The following CADPS2 variants were observed in gnomAD, a reference collection of about 807,000 sequenced individuals.
CADPS2 encodes the protein calcium dependent secretion activator 2, also known as calcium-dependent secretion activator 2.
A neutral mutation model predicts 172.5 loss-of-function variants in CADPS2; 93 were observed. The ratio of observed to expected loss-of-function variants is 0.54; its 90% CI spans 0.46 to 0.64. CADPS2 has a LOEUF of 0.64. Among genes scored for constraint, CADPS2 ranks in the 30% least tolerant of loss-of-function variants. The pLI is 0.00. For synonymous variants in CADPS2, 546 were observed against 555.2 expected (o/e 0.98, Z 0.23); for missense variants, 1,420 against 1,565.9 (o/e 0.91, Z 1.57).
intron 1 of CADPS2, among the ~76,000 whole-genome samples, chr7:122,881,573 A>G (rs560937075): frequency 6.6e-6 from 1 of 152,324 alleles, no homozygotes; most frequent in East Asian, 1.9e-4. Context: ...TACTTGGACC[A>G]TAATGCATCA....
At chr7:122,743,080 C>T (rs1037441348) in intron 1 of CADPS2, among the ~76,000 whole-genome samples, 6 of 152,062 alleles carry the variant, frequency 3.9e-5, no homozygotes, top group Non-Finnish European at 7.4e-5. Context: ...ATTTGACCAG[C>T]AGAAATTATC....
intron 1 of CADPS2, among the ~76,000 whole-genome samples, chr7:122,767,480 T>C (rs1303110749): frequency 6.6e-6 from 1 of 152,078 alleles, no homozygotes; most frequent in Non-Finnish European, 1.5e-5. Context: ...ATAGTGTTTT[T>C]CAGGAATGTT....
chr7:122,539,675 G>GA (rs1280573698), intron 8 of CADPS2, among the ~76,000 whole-genome samples: 2 of 151,776 alleles, frequency 1.3e-5, no homozygotes, highest in Admixed American at 6.6e-5. Context: ...GTCATAAAGG[G>GA]AAAAAAATGA....
At chr7:122,629,153 C>CTTT in intron 4 of CADPS2, 95 bp downstream of exon 4, 1 of 788,480 alleles carries the variant, frequency 1.3e-6, no homozygotes. Context: ...TATGCTGGCT[C>CTTT]TTTTTTTTTT....
chr7:122,432,246 T>G (rs565972766), intron 17 of CADPS2, among the ~76,000 whole-genome samples: 1 of 152,276 alleles, frequency 6.6e-6, no homozygotes, highest in East Asian at 1.9e-4. Context: ...CAGGACCTTG[T>G]GCAAGTTAAC....
At chr7:122,545,650 G>A (rs992446238) in intron 8 of CADPS2, among the ~76,000 whole-genome samples, 1 of 152,110 alleles carries the variant, frequency 6.6e-6, no homozygotes, top group African/African-American at 2.4e-5. Flanking sequence ...TTGTTAGGAT[G>A]GAGACTGAAT....
intron 3 of CADPS2, among the ~76,000 whole-genome samples, chr7:122,641,419 T>C (rs949912018): frequency 1.3e-5 from 2 of 152,194 alleles, no homozygotes; most frequent in African/African-American, 4.8e-5. Flanking sequence ...AATTGGACCT[T>C]TGGAAGTCTG....
intron 27 of CADPS2, among the ~76,000 whole-genome samples, chr7:122,350,210 TATAAGACAATAAATAACATGTCTTCGAA>T (rs907752724): frequency 6.6e-6 from 1 of 152,148 alleles, no homozygotes; most frequent in Non-Finnish European, 1.5e-5. Flanking sequence ...TCATGTAAGA[TATAAGACAATAAATAACATGTCTTCGAA>T]ATTTGAAATT....
At chr7:122,834,029 A>G (rs1240302744) in intron 1 of CADPS2, among the ~76,000 whole-genome samples, 1 of 152,214 alleles carries the variant, frequency 6.6e-6, no homozygotes, top group East Asian at 1.9e-4. Flanking sequence ...GTGGAAAAAA[A>G]GACGGACATA....
chr7:122,665,053 G>A (rs2081047157), intron 2 of CADPS2, among the ~76,000 whole-genome samples: 1 of 151,264 alleles, frequency 6.6e-6, no homozygotes, highest in Admixed American at 6.6e-5. Flanking sequence ...TCCTGCCTTG[G>A]ACTCCCAAAG....
At chr7:122,852,260 C>T (rs1813860188) in intron 1 of CADPS2, among the ~76,000 whole-genome samples, 1 of 152,148 alleles carries the variant, frequency 6.6e-6, no homozygotes, top group African/African-American at 2.4e-5. Flanking sequence ...GATCTAGGAA[C>T]TCATTCAATG....
rs767367157 is a variant in CADPS2, at chr7:122,849,806, T to A, written c.339+36193A>T. 9.8e-4 allele frequency: 518 copies of A among 527,920 alleles called. 3 individuals carry two copies. Among genetic ancestry groups the A allele is most frequent in the Non-Finnish European group, 5.7e-4 (151 of 265,326 alleles). The allele number at this position is 527,920 out of a possible 1,614,324, so 32.7% of individuals were successfully genotyped here. A position where few individuals can be genotyped will look rare whatever the true frequency, so the allele number is the denominator to read the frequency against. ...CCCCCAGCCCTCTCCCTTTACATCATCCCTCAGCACCATCAACTATGATGA... is the reference window on the plus strand; with the variant it reads ...CCCCCAGCCCTCTCCCTTTACATCAACCCTCAGCACCATCAACTATGATGA... On this transcript the variant is annotated intron_variant, in intron 1 of 29. Transcript: ENST00000449022.
At position 122,353,098 on chromosome 7, in the gene CADPS2, G is replaced by A. The variant is rs552397277; in HGVS notation, c.3505-7417C>T. ...GAGGCAGCACAGGGATTATAGGTTG[G>A]TGCAGAAGTGATTGTGTTTTTTGCC... On this transcript the variant is annotated intron_variant, in intron 27 of 29. Coordinates refer to ENST00000449022, the MANE Select transcript of CADPS2 (RefSeq NM_017954.11). Among the ~76,000 whole-genome samples the A allele has an allele frequency of 2.6e-5, 4 of 152,226 alleles. No individual in the cohort carries two copies. In the East Asian group the frequency reaches 7.8e-4, roughly 30 times the overall value.
At chr7:122,761,330 T>G (rs140999012) in intron 1 of CADPS2, among the ~76,000 whole-genome samples, 1 of 152,326 alleles carries the variant, frequency 6.6e-6, no homozygotes, top group Non-Finnish European at 1.5e-5. Flanking sequence ...TACTCATCTC[T>G]GAGGAATCAA....
At chr7:122,620,654 G>A (rs1272321715) in intron 5 of CADPS2, among the ~76,000 whole-genome samples, 1 of 152,068 alleles carries the variant, frequency 6.6e-6, no homozygotes, top group African/African-American at 2.4e-5. Context: ...AATATGTACA[G>A]TGCCTGTAAT....
At chr7:122,368,772 A>T (rs1347430530) in intron 25 of CADPS2, among the ~76,000 whole-genome samples, 1 of 152,136 alleles carries the variant, frequency 6.6e-6, no homozygotes, top group Non-Finnish European at 1.5e-5. Flanking sequence ...GTGCGCCATG[A>T]GTTTCTAGAG....
intron 1 of CADPS2, among the ~76,000 whole-genome samples, chr7:122,873,100 G>C (rs1001927259): frequency 6.6e-6 from 1 of 152,088 alleles, no homozygotes; most frequent in Non-Finnish European, 1.5e-5. Context: ...TTTGGAGAAA[G>C]TAAAACCCAC....
At chr7:122,685,864 A>G (rs2083555378) in intron 2 of CADPS2, among the ~76,000 whole-genome samples, 1 of 152,236 alleles carries the variant, frequency 6.6e-6, no homozygotes, top group Admixed American at 6.5e-5. Context: ...CAGTTAGAGA[A>G]GCAATGCTGT....
At chr7:122,621,877 G>T (rs544280333) in intron 4 of CADPS2, among the ~76,000 whole-genome samples, 160 bp from the exon 5 acceptor site, 1 of 152,082 alleles carries the variant, frequency 6.6e-6, no homozygotes, top group Non-Finnish European at 1.5e-5. Context: ...TCAGGCTTTG[G>T]CATTTTTGAT....
Sources: allele counts gnomAD v4.1 joint callset (sites outside exome capture counted in the v4.1 genomes callset), GRCh38; gene constraint gnomAD v4.1.1; transcripts MANE v1.5; gene names NCBI Gene and HGNC (gene_info 2026-07-23, HGNC 2026-07-21).